ZNF285: variants seen among roughly 807,000 people sequenced by gnomAD.
The protein encoded by ZNF285 is zinc finger protein 285.
In ZNF285, 4 loss-of-function variants were observed where a neutral mutation model predicts 6.2. The observed-to-expected ratio is 0.65, with a 90% confidence interval of 0.32 to 1.49. ZNF285 has a LOEUF of 1.49. Among genes scored for constraint, ZNF285 ranks in the 40% most tolerant of loss-of-function variants. ZNF285 has a pLI of 0.07. For synonymous variants in ZNF285, 240 were observed against 245.8 expected (o/e 0.98, Z 0.22); for missense variants, 695 against 708.8 (o/e 0.98, Z 0.22).
rs780845025 is a variant in ZNF285, at chr19:44,386,668, T to C, written c.1577A>G (p.Asp526Gly). Residue 526 changes from aspartate (D) to glycine (G), a missense_variant, in exon 4 of 4, where the codon GAT becomes GGT. Physicochemically the swap from Asp to Gly is moderately conservative, Grantham distance 94. Coordinates refer to ENST00000614994, the MANE Select transcript of ZNF285 (RefSeq NM_152354.6). The part of the protein sequence containing the change: ...ECGKGFSRNS[D>G]LNVHLRVHTG... ...GTGGACTCTGAGGTGAACATTAAGA[T>C]CTGAATTCCGGCTGAAGCCTTTACC... 6 of 1,614,046 alleles carry C rather than the reference T, an allele frequency of 3.7e-6. No homozygotes were observed. Among genetic ancestry groups the C allele is most frequent in the Non-Finnish European group, 5.1e-6 (6 of 1,180,034 alleles).
chr19:44,387,333 G>C lies in ZNF285; in HGVS notation c.912C>G (p.Pro304=). The C allele has an allele frequency of 1.9e-6, 3 of 1,614,178 alleles. No homozygotes were observed. Among genetic ancestry groups the C allele is most frequent in the Non-Finnish European group, 2.5e-6 (3 of 1,180,024 alleles). The change falls in exon 4 of 4, where the codon CCC becomes CCG. Residue 304 remains proline (P), a synonymous_variant. Transcript: ENST00000614994. ...PMGCKQSSDL[P]RYQKVSSGDK... ...CTCCTGAGGAGACTTTCTGATATCT[G>C]GGAAGGTCTGAGCTCTGTTTGCAGC...
chr19:44,400,413 C>A (rs1386913437), intron 1 of ZNF285, among the ~76,000 whole-genome samples: 3 of 152,042 alleles, frequency 2.0e-5, no homozygotes, highest in African/African-American at 7.3e-5. Context: ...AACACTAAAT[C>A]TCTAACTTTA....
At chr19:44,392,012 A>G (rs2466415) in intron 3 of ZNF285, among the ~76,000 whole-genome samples, 49,759 of 151,864 alleles carry the variant, frequency 0.33, 11,547 homozygotes, top group East Asian at 0.75. Context: ...GGCCCTTGGT[A>G]ATGTGTGAAT....
At chr19:44,395,890 G>T (rs970906598) in intron 2 of ZNF285, among the ~76,000 whole-genome samples, 1 of 152,122 alleles carries the variant, frequency 6.6e-6, no homozygotes, top group Non-Finnish European at 1.5e-5. Flanking sequence ...ACCAAAACGA[G>T]CAGAGTGCTA....
intron 2 of ZNF285, among the ~76,000 whole-genome samples, chr19:44,395,285 G>A (rs1432506413): frequency 1.3e-5 from 2 of 152,154 alleles, no homozygotes; most frequent in Non-Finnish European, 2.9e-5. Context: ...CCACTTACAA[G>A]AAATACTGTG....
chr19:44,397,904 GAA>G (rs374026345), intron 1 of ZNF285, among the ~76,000 whole-genome samples: 2 of 146,468 alleles, frequency 1.4e-5, no homozygotes, highest in Non-Finnish European at 3.0e-5. Context: ...AAAAACAGAG[GAA>G]AAAAAAAAGA....
In ZNF285 at chr19:44,387,586, T is replaced by C. The variant is rs60800862; in HGVS notation, c.659A>G (p.Glu220Gly). Residue 220 changes from glutamate (E) to glycine (G), a missense_variant, in exon 4 of 4, where the codon GAA becomes GGA. Transcript: ENST00000614994. ...GKNLGMKSTV[E>G]KRNAAHVLPQ... The stretch of plus-strand genomic sequence containing the variant: ...TAATACATGGGCCGCATTACGTTTT[T>C]CAACCGTTGATTTCATACCCAAGTT... 4,798 of 1,613,908 alleles carry C rather than the reference T, an allele frequency of 3.0e-3. 149 individuals are homozygous for C. The African/African-American group carries it at 0.057, about 19-fold the overall frequency.
chr19:44,399,658 G>C (rs1177655696), intron 1 of ZNF285, among the ~76,000 whole-genome samples: 1 of 151,746 alleles, frequency 6.6e-6, no homozygotes, highest in Admixed American at 6.6e-5. Context: ...ATGGTTGGGG[G>C]TTTGGTTTCC....
rs187974681 is a variant in ZNF285 at position 44,397,377 on chromosome 19, C to A, written c.-43-121G>T. 41 of 1,208,254 alleles carry A rather than the reference C, an allele frequency of 3.4e-5. No homozygotes were observed. The East Asian group carries it at 8.8e-4, about 26-fold the overall frequency. The allele number at this position is 1,208,254 out of a possible 1,614,324, so 74.8% of individuals were successfully genotyped here. On this transcript the variant is annotated intron_variant, in intron 1 of 3. Transcript: ENST00000614994. ...CCTCTCACTGGATATCATCTCTTCT[C>A]GCTCTGAACAGACTGAACTCCCACC...
rs912174620 is a variant in ZNF285, at chr19:44,384,832, A to G, written c.*1640T>C. On this transcript the variant is annotated 3_prime_UTR_variant, in exon 4 of 4. Transcript: ENST00000614994. ...AGTAAGACCCCATCTCTACAAGTAC[A>G]ATTTTTAAAGAAAACATCAGCTGAA... 6.6e-6 allele frequency: 1 copy of G among 151,924 alleles called. No homozygotes were observed. Among genetic ancestry groups the G allele is most frequent in the Non-Finnish European group, 1.5e-5 (1 of 68,004 alleles). The allele number at this position is 151,924 out of a possible 1,614,324, so 9.4% of individuals were successfully genotyped here. A position where few individuals can be genotyped will look rare whatever the true frequency, so the allele number is the denominator to read the frequency against.
intron 2 of ZNF285, among the ~76,000 whole-genome samples, chr19:44,393,565 A>C (rs1227746394): frequency 6.6e-6 from 1 of 152,084 alleles, no homozygotes; most frequent in Non-Finnish European, 1.5e-5. Flanking sequence ...ATTTTCTCCC[A>C]TTCTGTAGGT....
intron 3 of ZNF285, among the ~76,000 whole-genome samples, chr19:44,390,984 T>A (rs1971184776): frequency 6.6e-6 from 1 of 151,830 alleles, no homozygotes; most frequent in South Asian, 2.1e-4. Flanking sequence ...TGAAATCCCA[T>A]CTCTACTAAT....
At position 44,400,204 on chromosome 19, in the gene ZNF285, G is replaced by A. The variant is rs8104613; in HGVS notation, c.-44+1364C>T. On this transcript the variant is annotated intron_variant, in intron 1 of 3. Coordinates refer to ENST00000614994, the MANE Select transcript of ZNF285 (RefSeq NM_152354.6). The stretch of plus-strand genomic sequence containing the variant: ...ATCTGCCAAAGTCCACACAGCTCTC[G>A]CACACAAATGCCTTTCTCATCCCTC... Among the ~76,000 whole-genome samples, 8 of 141,822 alleles carry A rather than the reference G, an allele frequency of 5.6e-5. 1 individual carries two copies. In the South Asian group the frequency reaches 1.8e-3, roughly 33 times the overall value. The allele number at this position is 141,822 out of a possible 152,430, so 93.0% of individuals were successfully genotyped here.
chr19:44,391,255 G>T (rs1599960038), intron 3 of ZNF285, among the ~76,000 whole-genome samples: 2 of 151,942 alleles, frequency 1.3e-5, no homozygotes, highest in East Asian at 3.9e-4. Flanking sequence ...GGCCTCCCCA[G>T]GCACGTGGAA....
intron 1 of ZNF285, among the ~76,000 whole-genome samples, chr19:44,401,214 C>A (rs112351719): frequency 0.038 from 5,855 of 152,232 alleles, 331 homozygotes; most frequent in East Asian, 0.13. Context: ...CCTGAGCCAG[C>A]GCCCCTCTGC....
rs888309573 is a variant in ZNF285 at position 44,392,122 on chromosome 19, G to A, written c.142+218C>T. 53 of 1,392,388 alleles carry A rather than the reference G, an allele frequency of 3.8e-5. No individual in the cohort carries two copies. The African/African-American group carries it at 7.0e-4, about 18-fold the overall frequency. 86.3% of individuals were successfully genotyped at this position (1,392,388 alleles called of 1,614,324 possible). ...CTGCACTGAATGCCCACAGGCCAGGGGTATGAGATTTGGGGAGAGCTCCCT... is the reference window on the plus strand; with the variant it reads ...CTGCACTGAATGCCCACAGGCCAGGAGTATGAGATTTGGGGAGAGCTCCCT... On this transcript the variant is annotated intron_variant, in intron 3 of 3. Transcript: ENST00000614994.
In ZNF285 at chr19:44,400,700, G is replaced by C. The variant is rs532531334; in HGVS notation, c.-44+868C>G. 3.0e-3 allele frequency among the ~76,000 whole-genome samples: 449 copies of C among 152,022 alleles called. 5 individuals are homozygous for C. Among genetic ancestry groups the C allele is most frequent in the African/African-American group, 0.01 (420 of 41,430 alleles). On this transcript the variant is annotated intron_variant, in intron 1 of 3. Coordinates refer to ENST00000614994, the MANE Select transcript of ZNF285 (RefSeq NM_152354.6). ...CGCCATTCTCCTGCCTCAGCCTCCC[G>C]AGTAGCTGGGACTACAGGCGCCTGC... is the stretch of plus-strand genomic sequence containing the variant.
At chr19:44,388,728 A>G (rs933017593) in intron 3 of ZNF285, among the ~76,000 whole-genome samples, 9 of 144,210 alleles carry the variant, frequency 6.2e-5, no homozygotes, top group Non-Finnish European at 1.2e-4. Context: ...GTGTGTGTAT[A>G]TAAATAATAC....
intron 3 of ZNF285, among the ~76,000 whole-genome samples, chr19:44,390,238 A>G (rs1434098408): frequency 6.6e-6 from 1 of 152,154 alleles, no homozygotes; most frequent in African/African-American, 2.4e-5. Context: ...ACTCAACACC[A>G]GCCCATGAAA....
Sources: allele counts gnomAD v4.1 joint callset (sites outside exome capture counted in the v4.1 genomes callset), GRCh38; gene constraint gnomAD v4.1.1; transcripts MANE v1.5; gene names NCBI Gene and HGNC (gene_info 2026-07-23, HGNC 2026-07-21).